CCKBR: variants seen among roughly 807,000 people sequenced by gnomAD.
CCKBR encodes gastrin/cholecystokinin type B receptor.
A neutral mutation model predicts 34.6 loss-of-function variants in CCKBR; 33 were observed. That is an observed-to-expected ratio of 0.95 (90% CI 0.72 to 1.27). The LOEUF is 1.27. Ranked by LOEUF, CCKBR falls within the 50% of genes most tolerant of loss-of-function variation. The pLI is 0.00. For missense variants in CCKBR, 652 were observed against 617.4 expected (o/e 1.06, Z -0.59); for synonymous variants, 269 against 267.5 (o/e 1.01, Z -0.06).
chr11:6,262,973 T>G lies in CCKBR; in HGVS notation c.151+2894T>G, dbSNP rs138801112. Among the ~76,000 whole-genome samples, 628 of 152,254 alleles carry G rather than the reference T, an allele frequency of 4.1e-3. 3 individuals carry two copies. Among genetic ancestry groups the G allele is most frequent in the African/African-American group, 0.014 (592 of 41,542 alleles). On this transcript the variant is annotated intron_variant, in intron 1 of 4. Coordinates refer to ENST00000334619, the MANE Select transcript of CCKBR (RefSeq NM_176875.4). ...CAATTCAGAGCACAGGTGCAAAAATTTGCCTCACTTATCTAAATGCTCCTC... is the reference window on the plus strand; with the variant it reads ...CAATTCAGAGCACAGGTGCAAAAATGTGCCTCACTTATCTAAATGCTCCTC...
At chr11:6,260,811 C>T (rs1041317199) in intron 1 of CCKBR, among the ~76,000 whole-genome samples, 2 of 152,212 alleles carry the variant, frequency 1.3e-5, no homozygotes, top group Non-Finnish European at 2.9e-5. Flanking sequence ...AAACTAGACC[C>T]AGTCTGGACC....
chr11:6,269,611 G>T, intron 1 of CCKBR, 58 bp from the exon 2 acceptor site: 1 of 1,585,658 alleles, frequency 6.3e-7, no homozygotes, highest in East Asian at 2.2e-5. Flanking sequence ...CGGAAGGAGG[G>T]GGATTTGACT....
Position 6,270,263 on chromosome 11 carries a change from T to C in CCKBR, c.579T>C (p.Thr193=). ...TCATGGTGCCCTACCCCGTGTACAC[T>C]GTCGTGCAACCAGTGGGGCCTCGTG... ...GLLMVPYPVY[T]VVQPVGPRVL... Residue 193 remains threonine (T), a synonymous_variant, in exon 3 of 5, where the codon ACT becomes ACC. Transcript: ENST00000334619. 6.2e-7 allele frequency: 1 copy of C among 1,613,366 alleles called. No individual in the cohort carries two copies. The highest frequency in any genetic ancestry group is 2.2e-5 in the East Asian group (1 of 44,882).
chr11:6,262,882 T>C (rs1848157989), intron 1 of CCKBR, among the ~76,000 whole-genome samples: 1 of 151,894 alleles, frequency 6.6e-6, no homozygotes, highest in Admixed American at 6.6e-5. Context: ...GAGAGGAAGA[T>C]TGAAGGTGCA....
chr11:6,271,156 GCC>G lies in CCKBR; in HGVS notation c.959_960del (p.Pro320HisfsTer8). The G allele has an allele frequency of 6.2e-7, 1 of 1,614,130 alleles. No individual in the cohort carries two copies. Among genetic ancestry groups the G allele is most frequent in the Non-Finnish European group, 8.5e-7 (1 of 1,179,996 alleles). On this transcript the variant is annotated frameshift_variant, in exon 5 of 5. Transcript: ENST00000334619. LOFTEE classifies it high-confidence loss of function. ...TAPGPGSGSRPTQAKLLAKKR... is the reference protein window; with the variant it reads ...TAPGPGSGSRXTQAKLLAKKR... ...CTCCTGGGCCGGGATCCGGCTCCCG[GCC>G]CACCCAGGCCAAGCTGCTGGCTAAG...
At position 6,271,339 on chromosome 11, in the gene CCKBR, C is replaced by T. The variant is rs138218747; in HGVS notation, c.1140C>T (p.Tyr380=). Residue 380 remains tyrosine (Y), a synonymous_variant, in exon 5 of 5, where the codon TAC becomes TAT. Coordinates refer to ENST00000334619, the MANE Select transcript of CCKBR (RefSeq NM_176875.4). Reference sequence around the variant, plus strand: ...TCTCCTTCATTCACTTGCTGAGCTACGCCTCGGCCTGTGTCAACCCCCTGG... The same window carrying T: ...TCTCCTTCATTCACTTGCTGAGCTATGCCTCGGCCTGTGTCAACCCCCTGG... ...APISFIHLLS[Y]ASACVNPLVY... is the part of the protein sequence containing the mutation. 175 of 1,614,188 alleles carry T rather than the reference C, an allele frequency of 1.1e-4. No individual in the cohort carries two copies. The African/African-American group carries it at 2.0e-3, about 19-fold the overall frequency.
chr11:6,268,368 T>G (rs1848239948), intron 1 of CCKBR, among the ~76,000 whole-genome samples: 1 of 152,192 alleles, frequency 6.6e-6, no homozygotes, highest in Admixed American at 6.6e-5. Flanking sequence ...ATCCCTCTCA[T>G]GCTGAGGCCA....
At chr11:6,269,561 A>C in intron 1 of CCKBR, 108 bp from the exon 2 acceptor site, 8 of 1,243,886 alleles carry the variant, frequency 6.4e-6, no homozygotes, top group Non-Finnish European at 8.0e-6. Flanking sequence ...TCGGTGGGGA[A>C]TGTAGGCATC....
In CCKBR at chr11:6,261,462, T is replaced by TATATACACAC. The variant is rs764173521; in HGVS notation, c.151+1384_151+1385insTATACACACA. Among the ~76,000 whole-genome samples the TATATACACAC allele has an allele frequency of 2.8e-3, 181 of 63,978 alleles. 7 individuals are homozygous for TATATACACAC. The highest frequency in any genetic ancestry group is 3.0e-3 in the Admixed American group (12 of 3,946). The allele number at this position is 63,978 out of a possible 152,430, so 42.0% of individuals were successfully genotyped here. ...AAAAAAAAAAAAAAAAAAATATATATACACACACACACACACACACACACA... is the reference window on the plus strand; with the variant it reads ...AAAAAAAAAAAAAAAAAAATATATATATATACACACACACACACACACACACACACACACA... On this transcript the variant is annotated intron_variant, in intron 1 of 4. Transcript: ENST00000334619.
At chr11:6,264,989 T>A (rs189220726) in intron 1 of CCKBR, among the ~76,000 whole-genome samples, 3 of 152,334 alleles carry the variant, frequency 2.0e-5, no homozygotes, top group Admixed American at 2.0e-4. Flanking sequence ...CTTTTTGTGT[T>A]GTATGGTTCT....
At chr11:6,265,284 T>G (rs1848194546) in intron 1 of CCKBR, among the ~76,000 whole-genome samples, 1 of 152,218 alleles carries the variant, frequency 6.6e-6, no homozygotes, top group African/African-American at 2.4e-5. Flanking sequence ...ACTGGGACTT[T>G]GTCTTATAAA....
chr11:6,270,269 G>T lies in CCKBR; in HGVS notation c.585G>T (p.Val195=). ...TGCCCTACCCCGTGTACACTGTCGT[G>T]CAACCAGTGGGGCCTCGTGTGCTGC... is the stretch of plus-strand genomic sequence containing the variant. ...LMVPYPVYTV[V]QPVGPRVLQC... Residue 195 remains valine, a synonymous_variant, in exon 3 of 5, where the codon GTG becomes GTT. Coordinates refer to ENST00000334619, the MANE Select transcript of CCKBR (RefSeq NM_176875.4). The T allele has an allele frequency of 6.2e-7, 1 of 1,613,314 alleles. No homozygotes were observed. Among genetic ancestry groups the T allele is most frequent in the Non-Finnish European group, 8.5e-7 (1 of 1,180,032 alleles).
In CCKBR at chr11:6,260,099, C is replaced by A; in HGVS notation, c.151+20C>A. On this transcript the variant is annotated intron_variant, in intron 1 of 4. Transcript: ENST00000334619. ...CACGAGGTGGGTGCCTCCCTCAGCC[C>A]CCCCCACAAGCTATTTCTCACTGTA... is the stretch of plus-strand genomic sequence containing the variant. 4 of 1,572,078 alleles carry A rather than the reference C, an allele frequency of 2.5e-6. No individual in the cohort carries two copies. Among genetic ancestry groups the A allele is most frequent in the Non-Finnish European group, 3.4e-6 (4 of 1,164,060 alleles).
In CCKBR at chr11:6,259,936, T is replaced by G; in HGVS notation, c.8T>G (p.Leu3Arg). The G allele has an allele frequency of 6.8e-7, 1 of 1,461,036 alleles. No homozygotes were observed. The highest frequency in any genetic ancestry group is 3.2e-5 in the Admixed American group (1 of 31,568). 90.5% of individuals were successfully genotyped at this position (1,461,036 alleles called of 1,614,324 possible). ...GCGGGCTCGGCGGGGGCCATGGAGCTGCTAAAGCTGAACCGGAGCGTGCAG... is the reference window on the plus strand; with the variant it reads ...GCGGGCTCGGCGGGGGCCATGGAGCGGCTAAAGCTGAACCGGAGCGTGCAG... ME[L>R]LKLNRSVQGT... The change falls in exon 1 of 5, where the codon CTG (leucine) becomes CGG (arginine). Residue 3 changes from leucine (L) to arginine (R), a missense_variant. By Grantham distance (102) the Leu-to-Arg change is moderately radical. Transcript: ENST00000334619.
At chr11:6,269,945 C>T in intron 2 of CCKBR, 25 bp downstream of exon 2, 5 of 1,612,224 alleles carry the variant, frequency 3.1e-6, no homozygotes, top group Non-Finnish European at 4.2e-6. Flanking sequence ...CACCCCACCC[C>T]CACTTGCCAC....
At chr11:6,268,587 C>A (rs922047207) in intron 1 of CCKBR, among the ~76,000 whole-genome samples, 4 of 152,210 alleles carry the variant, frequency 2.6e-5, no homozygotes, top group Non-Finnish European at 4.4e-5. Context: ...CACTCCTTAT[C>A]ACATCTGTTT....
Position 6,269,859 on chromosome 11 carries a change from C to G in CCKBR, c.342C>G (p.Pro114=). Residue 114 remains proline, a synonymous_variant, in exon 2 of 5, where the codon CCC becomes CCG. Coordinates refer to ENST00000334619, the MANE Select transcript of CCKBR (RefSeq NM_176875.4). ...AVACMPFTLL[P]NLMGTFIFGT... is the part of the protein sequence containing the mutation. ...CTTGCATGCCCTTCACCCTCCTGCC[C>G]AATCTCATGGGCACATTCATCTTTG... 1 of 1,614,152 alleles carries G rather than the reference C, an allele frequency of 6.2e-7. No homozygotes were observed.
rs57265861 is a variant in CCKBR, at chr11:6,262,686, A to AAGAGAGAGAGAGAGAG, written c.151+2631_151+2646dup. 2.4e-3 allele frequency among the ~76,000 whole-genome samples: 291 copies of AAGAGAGAGAGAGAGAG among 119,218 alleles called. 1 individual carries two copies. The highest frequency in any genetic ancestry group is 3.7e-3 in the Non-Finnish European group (209 of 56,032). 78.2% of individuals were successfully genotyped at this position (119,218 alleles called of 152,430 possible). On this transcript the variant is annotated intron_variant, in intron 1 of 4. Transcript: ENST00000334619. ...TTTCAAGAAGTCTGGTAGGCAAAGA[A>AAGAGAGAGAGAGAGAG]AGAGAGAGAGAGAGAGAGAGAGAGA...
Position 6,270,821 on chromosome 11 carries a change from G to A in CCKBR, c.811+18G>A, listed in dbSNP as rs200603102. The A allele has an allele frequency of 5.6e-6, 9 of 1,614,018 alleles. No homozygotes were observed. The highest frequency in any genetic ancestry group is 4.2e-6 in the Non-Finnish European group (5 of 1,179,970). ...GCTGCCAGGTGGGGCTGGACCACGT[G>A]AGCAAAATCTGGGCGAGGCGGAGCT... On this transcript the variant is annotated intron_variant, in intron 4 of 4. Transcript: ENST00000334619.
Sources: gnomAD v4.1 joint callset for allele counts (sites outside exome capture counted in the v4.1 genomes callset) on GRCh38, gnomAD v4.1.1 for gene constraint, MANE v1.5 for transcripts, NCBI Gene and HGNC (gene_info 2026-07-23, HGNC 2026-07-21) for gene names.